Variants in STXBP4 observed in about 807,000 individuals in gnomAD.
STXBP4 encodes syntaxin binding protein 4, also known as syntaxin-binding protein 4.
In STXBP4, 55 loss-of-function variants were observed where a neutral mutation model predicts 76.1. The ratio of observed to expected loss-of-function variants is 0.72; its 90% CI spans 0.58 to 0.91. The LOEUF is 0.91. Among genes scored for constraint, STXBP4 ranks in the 40% least tolerant of loss-of-function variants. The pLI, the probability that STXBP4 is intolerant of heterozygous loss-of-function variation, is 0.00. For missense variants in STXBP4, 618 were observed against 636.9 expected (o/e 0.97, Z 0.32); for synonymous variants, 201 against 220.2 (o/e 0.91, Z 0.77).
At position 55,097,385 on chromosome 17, in the gene STXBP4, C is replaced by T. The variant is rs147732451; in HGVS notation, c.1489+16202C>T. On this transcript the variant is annotated intron_variant, in intron 16 of 17. Coordinates refer to ENST00000376352, the MANE Select transcript of STXBP4 (RefSeq NM_178509.6). ...TTGTAAAAAATTGCCTGTAGTTGAC[C>T]GGGCGCGGTGGCTCATGCCTGTAAT... is the stretch of plus-strand genomic sequence containing the variant. 2.8e-3 allele frequency among the ~76,000 whole-genome samples: 433 copies of T among 152,060 alleles called. 11 individuals are homozygous for T. Among genetic ancestry groups the T allele is most frequent in the Middle Eastern group, 0.02 (6 of 294 alleles).
chr17:55,006,171 A>G (rs973222239), intron 7 of STXBP4, among the ~76,000 whole-genome samples: 21 of 152,220 alleles, frequency 1.4e-4, no homozygotes, highest in African/African-American at 4.6e-4. Context: ...GTTTAATTCC[A>G]TTTGAAGCTA....
rs1185146949 is a variant in STXBP4 at position 55,173,220 on chromosome 17, A to T, written c.*13309A>T. On this transcript the variant is annotated 3_prime_UTR_variant, in exon 18 of 18. Transcript: ENST00000376352. The stretch of plus-strand genomic sequence containing the variant: ...AAAAAAGTGACTTTTGGGGGAGTGC[A>T]GAGTTCTATGAATTTTTAACACATG... 6.6e-6 allele frequency: 1 copy of T among 152,178 alleles called. No homozygotes were observed. Among genetic ancestry groups the T allele is most frequent in the East Asian group, 1.9e-4 (1 of 5,204 alleles). The allele number at this position is 152,178 out of a possible 1,614,324, so 9.4% of individuals were successfully genotyped here.
intron 4 of STXBP4, among the ~76,000 whole-genome samples, chr17:54,992,350 A>G (rs1598168114): frequency 6.6e-6 from 1 of 151,756 alleles, no homozygotes; most frequent in Admixed American, 6.6e-5. Context: ...CCCGAAGATC[A>G]AGAGCAGTGA....
chr17:55,139,090 C>T (rs1598344440), intron 16 of STXBP4, among the ~76,000 whole-genome samples: 1 of 152,120 alleles, frequency 6.6e-6, no homozygotes, highest in Non-Finnish European at 1.5e-5. Context: ...TTTATGGCTG[C>T]AGTCACTGAA....
intron 16 of STXBP4, among the ~76,000 whole-genome samples, chr17:55,121,269 A>G (rs2079840743): frequency 6.6e-6 from 1 of 152,226 alleles, no homozygotes; most frequent in African/African-American, 2.4e-5. Flanking sequence ...ATATTTTAAA[A>G]TCAAGAAAGC....
At chr17:55,113,589 ATGTT>A (rs1460156066) in intron 16 of STXBP4, among the ~76,000 whole-genome samples, 1 of 152,076 alleles carries the variant, frequency 6.6e-6, no homozygotes, top group African/African-American at 2.4e-5. Context: ...AAGAGGGAAA[ATGTT>A]AGTTAGGCCA....
chr17:55,089,099 A>G (rs932369561), intron 16 of STXBP4, among the ~76,000 whole-genome samples: 5 of 152,198 alleles, frequency 3.3e-5, no homozygotes, highest in African/African-American at 1.2e-4. Flanking sequence ...AGTGGATCTC[A>G]TAATATCAAA....
the STXBP4 span, among the ~76,000 whole-genome samples, chr17:55,185,297 CTCCTTCTCCTTCTCCTTCTCCTTCTCCTT>C: frequency 3.3e-5 from 4 of 120,586 alleles, no homozygotes; most frequent in Admixed American, 8.4e-5. Context: ...CCTTCTCCTT[CTCCTTCTCCTTCTCCTTCTCCTTCTCCTT>C]CTCCTCCTCC....
intron 17 of STXBP4, among the ~76,000 whole-genome samples, chr17:55,154,013 T>TGACG (rs2080246786): frequency 6.6e-6 from 1 of 152,130 alleles, no homozygotes; most frequent in African/African-American, 2.4e-5. Flanking sequence ...TGATCTAGAG[T>TGACG]GACGCTATCT....
At chr17:55,176,020 C>G (rs1055889702), downstream of STXBP4, among the ~76,000 whole-genome samples, 1 of 152,174 alleles carries the variant, frequency 6.6e-6, no homozygotes, top group Non-Finnish European at 1.5e-5. Flanking sequence ...TCCAGTGATT[C>G]CTGACGCATG....
intron 12 of STXBP4, among the ~76,000 whole-genome samples, chr17:55,057,749 T>G (rs1421255426): frequency 6.6e-6 from 1 of 152,178 alleles, no homozygotes; most frequent in East Asian, 1.9e-4. Context: ...TTCCCCTCCC[T>G]GTGTACATGT....
chr17:55,094,708 T>C (rs879290134), intron 16 of STXBP4, among the ~76,000 whole-genome samples: 8 of 152,180 alleles, frequency 5.3e-5, no homozygotes, highest in Non-Finnish European at 8.8e-5. Flanking sequence ...TAATCAACTA[T>C]TGGATATTTG....
chr17:55,144,548 G>A (rs781427898), intron 17 of STXBP4, among the ~76,000 whole-genome samples: 1 of 152,124 alleles, frequency 6.6e-6, no homozygotes, highest in Non-Finnish European at 1.5e-5. Context: ...TTCTCTCAGT[G>A]TCCCTGTTCC....
At chr17:54,976,814 C>T (rs373759003) in intron 1 of STXBP4, among the ~76,000 whole-genome samples, 1 of 152,090 alleles carries the variant, frequency 6.6e-6, no homozygotes, top group African/African-American at 2.4e-5. Context: ...GGAAACCATC[C>T]CCCACACCCC....
chr17:54,975,533 G>A (rs1388018513), intron 1 of STXBP4, among the ~76,000 whole-genome samples: 1 of 152,112 alleles, frequency 6.6e-6, no homozygotes, highest in Non-Finnish European at 1.5e-5. Flanking sequence ...TGTGATTAAA[G>A]GCAAAGGCAG....
At chr17:55,199,516 A>C in the STXBP4 span, among the ~76,000 whole-genome samples, 1 of 152,174 alleles carries the variant, frequency 6.6e-6, no homozygotes, top group African/African-American at 2.4e-5. Context: ...ATCCACTACA[A>C]ATGGAAGATG....
chr17:55,070,939 G>A (rs1457491823), intron 12 of STXBP4, among the ~76,000 whole-genome samples: 1 of 151,982 alleles, frequency 6.6e-6, no homozygotes, highest in African/African-American at 2.4e-5. Flanking sequence ...TTGTATTTTT[G>A]TCATAAACAT....
intron 16 of STXBP4, among the ~76,000 whole-genome samples, chr17:55,086,052 T>C (rs1161242682): frequency 6.6e-6 from 1 of 152,166 alleles, no homozygotes; most frequent in Non-Finnish European, 1.5e-5. Flanking sequence ...AACACTGCCA[T>C]CATTAATTTT....
At chr17:55,030,424 C>A (rs1215053533) in intron 8 of STXBP4, among the ~76,000 whole-genome samples, 1 of 152,102 alleles carries the variant, frequency 6.6e-6, no homozygotes, top group Non-Finnish European at 1.5e-5. Flanking sequence ...ATGGCACTTC[C>A]CCTTGTATCT....
Sources: gnomAD v4.1 joint callset for allele counts (sites outside exome capture counted in the v4.1 genomes callset) on GRCh38, gnomAD v4.1.1 for gene constraint, MANE v1.5 for transcripts, NCBI Gene and HGNC (gene_info 2026-07-23, HGNC 2026-07-21) for gene names.